Variants in INSL6 observed in about 807,000 individuals in gnomAD.
The protein encoded by INSL6 is insulin-like peptide INSL6.
A neutral mutation model predicts 9.4 loss-of-function variants in INSL6; 16 were observed. The observed-to-expected ratio is 1.70, with a 90% CI of 1.15 to 2.59. The LOEUF is 2.59. INSL6 is among the 30% of genes most tolerant of loss of function. INSL6 has a pLI of 0.00. For synonymous variants in INSL6, 154 were observed against 96.9 expected, an observed-to-expected ratio of 1.59 and a Z score of -3.46; for missense variants, 391 against 257.3, an observed-to-expected ratio of 1.52 and a Z score of -3.56.
the INSL6 span, among the ~76,000 whole-genome samples, chr9:4,992,776 T>C: frequency 3.1e-3 from 469 of 152,336 alleles, no homozygotes; most frequent in African/African-American, 0.011. Context: ...ACAGGTTATC[T>C]GCAGTAGACA....
At chr9:5,095,510 C>A in the INSL6 span, among the ~76,000 whole-genome samples, 1 of 152,026 alleles carries the variant, frequency 6.6e-6, no homozygotes, top group Non-Finnish European at 1.5e-5. Flanking sequence ...CAATTTTCAT[C>A]CTTAATAATA....
At chr9:5,053,738 C>T in the INSL6 span, among the ~76,000 whole-genome samples, 9 of 151,522 alleles carry the variant, frequency 5.9e-5, no homozygotes, top group Admixed American at 2.6e-4. Flanking sequence ...ACATTTTATA[C>T]GGGACGGACA....
At chr9:5,106,497 C>A in the INSL6 span, among the ~76,000 whole-genome samples, 583 of 152,300 alleles carry the variant, frequency 3.8e-3, 1 homozygote, top group Non-Finnish European at 6.4e-3. Flanking sequence ...TGTGGCGACT[C>A]CTCAAGGATC....
rs997841969 is a variant in INSL6, at chr9:5,185,426, G to C, written c.177C>G (p.Thr59=). Residue 59 remains threonine (T), a synonymous_variant, in exon 1 of 2, where the codon ACC becomes ACG. Coordinates refer to ENST00000381641, the MANE Select transcript of INSL6 (RefSeq NM_007179.3). ...CCTGTGCAATCAACCGTGAGAAAGG[G>C]GTTTCCTCCTCGAAACGGAACTGGC... ...NWSQFRFEEE[T]PFSRLIAQAS... is the part of the protein sequence containing the mutation. 1.9e-6 allele frequency: 3 copies of C among 1,614,056 alleles called. No individual in the cohort carries two copies. Among genetic ancestry groups the C allele is most frequent in the African/African-American group, 2.7e-5 (2 of 74,922 alleles).
intron 2 of INSL6, among the ~76,000 whole-genome samples, chr9:5,153,816 TAA>T (rs1343482250): frequency 6.6e-6 from 1 of 152,076 alleles, no homozygotes; most frequent in Non-Finnish European, 1.5e-5. Context: ...CTCAAGGAAA[TAA>T]GAGAGGACAC....
the INSL6 span, among the ~76,000 whole-genome samples, chr9:5,002,911 C>T: frequency 1.3e-5 from 2 of 151,520 alleles, no homozygotes; most frequent in Non-Finnish European, 3.0e-5. Flanking sequence ...ATTTGTGTAC[C>T]GTATGAAGTA....
the INSL6 span, among the ~76,000 whole-genome samples, chr9:5,116,894 AAGGTACTGGGAAAACATAAC>A: frequency 6.6e-6 from 1 of 152,248 alleles, no homozygotes; most frequent in Non-Finnish European, 1.5e-5. Context: ...TGCAATAATT[AAGGTACTGGGAAAACATAAC>A]AGTACAAATA....
chr9:5,007,827 A>G, the INSL6 span, among the ~76,000 whole-genome samples: 1 of 151,850 alleles, frequency 6.6e-6, no homozygotes, highest in African/African-American at 2.4e-5. Flanking sequence ...TCCCAGGTTC[A>G]AGCAATTCTC....
the INSL6 span, among the ~76,000 whole-genome samples, chr9:5,033,215 A>G: frequency 2.0e-5 from 3 of 152,196 alleles, no homozygotes; most frequent in Non-Finnish European, 2.9e-5. Context: ...AAAAGGAAAC[A>G]AACAAAGCCT....
At chr9:5,165,861 T>C (rs1051386490) in intron 1 of INSL6, among the ~76,000 whole-genome samples, 13 of 152,308 alleles carry the variant, frequency 8.5e-5, no homozygotes, top group African/African-American at 2.6e-4. Flanking sequence ...TAGGAGGATA[T>C]ATTTGCCAAT....
chr9:5,110,702 C>T, the INSL6 span: 4 of 337,988 alleles, frequency 1.2e-5, no homozygotes, highest in Non-Finnish European at 1.7e-5. Flanking sequence ...ATTACTCTTA[C>T]TGCCACCTCC....
the INSL6 span, among the ~76,000 whole-genome samples, chr9:5,046,662 A>G: frequency 4.6e-5 from 7 of 152,156 alleles, no homozygotes; most frequent in Non-Finnish European, 7.4e-5. Flanking sequence ...TCTTTTCTCC[A>G]TTGAATGGTC....
the INSL6 span, among the ~76,000 whole-genome samples, chr9:5,104,720 C>T: frequency 4.6e-5 from 7 of 152,166 alleles, no homozygotes; most frequent in East Asian, 3.8e-4. Context: ...ACGATCAAGT[C>T]GGCTTCATCC....
chr9:5,086,101 C>T, the INSL6 span: 1 of 534,672 alleles, frequency 1.9e-6, no homozygotes, highest in South Asian at 2.0e-5. Context: ...TGCCTATGAG[C>T]CTGCGCGGGC....
chr9:5,045,921 G>C, the INSL6 span, among the ~76,000 whole-genome samples: 1 of 152,074 alleles, frequency 6.6e-6, no homozygotes, highest in African/African-American at 2.4e-5. Context: ...GGAATCGCTG[G>C]ATCATATGGT....
chr9:4,995,438 T>A, the INSL6 span, among the ~76,000 whole-genome samples: 1 of 152,256 alleles, frequency 6.6e-6, no homozygotes, highest in South Asian at 2.1e-4. Context: ...TTTATACTGA[T>A]GCAAGATATA....
At chr9:5,009,873 C>T in the INSL6 span, among the ~76,000 whole-genome samples, 1 of 151,794 alleles carries the variant, frequency 6.6e-6, no homozygotes, top group African/African-American at 2.4e-5. Flanking sequence ...TAAGCTTAAG[C>T]CGTCCTCCCA....
the INSL6 span, chr9:5,041,178 A>C: frequency 7.8e-7 from 1 of 1,283,676 alleles, no homozygotes; most frequent in Non-Finnish European, 1.1e-6. Context: ...CACACCAAGA[A>C]CCTCATTTAC....
At chr9:5,130,759 C>T (rs866931424) in intron 3 of INSL6, among the ~76,000 whole-genome samples, 10 of 148,624 alleles carry the variant, frequency 6.7e-5, no homozygotes, top group South Asian at 2.1e-4. Context: ...GACGGAGTCT[C>T]GCTCTGTCGC....
Sources: allele counts gnomAD v4.1 joint callset (sites outside exome capture counted in the v4.1 genomes callset), GRCh38; gene constraint gnomAD v4.1.1; transcripts MANE v1.5; gene names NCBI Gene and HGNC (gene_info 2026-07-23, HGNC 2026-07-21).